TLK1: variants seen among roughly 807,000 people sequenced by gnomAD.
TLK1 encodes the protein tousled like kinase 1.
A neutral mutation model predicts 105.3 loss-of-function variants in TLK1; 24 were observed. The observed-to-expected ratio is 0.23, with a 90% CI of 0.17 to 0.32. TLK1 has a LOEUF of 0.32. Among genes scored for constraint, TLK1 ranks in the 10% least tolerant of loss-of-function variants. The pLI is 1.00. For synonymous variants in TLK1, 321 were observed against 310.4 expected (o/e 1.03, Z -0.36); for missense variants, 558 against 910.5 (o/e 0.61, Z 4.98).
intron 1 of TLK1, among the ~76,000 whole-genome samples, chr2:171,135,881 A>G (rs1174785345): frequency 6.6e-6 from 1 of 152,216 alleles, no homozygotes; most frequent in East Asian, 1.9e-4. Flanking sequence ...TAGAATGGCT[A>G]CCATCAAAAA....
intron 3 of TLK1, among the ~76,000 whole-genome samples, chr2:171,064,430 G>C (rs1687896962): frequency 6.6e-6 from 1 of 152,100 alleles, no homozygotes; most frequent in South Asian, 2.1e-4. Context: ...TGATTTCCTT[G>C]AGGAAATCCA....
Position 170,997,830 on chromosome 2 carries a change from GT to G in TLK1, c.1905-8del. ...ACACTCAGGAGGTAAATACCTGTAA[GT>G]TTTGTGGGAGAGAAAAAAGGTTACT... On this transcript the variant is annotated splice_region_variant and splice_polypyrimidine_tract_variant and intron_variant, in intron 18 of 20. Coordinates refer to ENST00000431350, the MANE Select transcript of TLK1 (RefSeq NM_012290.5). The G allele has an allele frequency of 6.4e-7, 1 of 1,555,700 alleles. No homozygotes were observed. The highest frequency in any genetic ancestry group is 8.8e-7 in the Non-Finnish European group (1 of 1,141,264).
chr2:171,088,557 A>C (rs946607650), intron 2 of TLK1, among the ~76,000 whole-genome samples: 4 of 152,208 alleles, frequency 2.6e-5, no homozygotes, highest in African/African-American at 4.8e-5. Flanking sequence ...CAGAATAAAT[A>C]ATTTCAAATT....
intron 1 of TLK1, among the ~76,000 whole-genome samples, chr2:171,193,259 T>A (rs573370085): frequency 6.6e-6 from 1 of 152,216 alleles, no homozygotes; most frequent in East Asian, 1.9e-4. Context: ...AGAATGAAAG[T>A]CTACTCTAGG....
intron 1 of TLK1, among the ~76,000 whole-genome samples, chr2:171,199,270 C>G (rs1693353074): frequency 6.6e-6 from 1 of 152,100 alleles, no homozygotes; most frequent in African/African-American, 2.4e-5. Context: ...CAGCACTTTG[C>G]AAGGCCAAGG....
intron 1 of TLK1, among the ~76,000 whole-genome samples, chr2:171,171,377 A>G (rs1241058049): frequency 6.6e-6 from 1 of 152,022 alleles, no homozygotes; most frequent in African/African-American, 2.4e-5. Context: ...AAAGACAGTG[A>G]AAGGATGCTG....
chr2:171,147,896 CT>C (rs34630360), intron 1 of TLK1, among the ~76,000 whole-genome samples: 3,017 of 143,898 alleles, frequency 0.021, 32 homozygotes, highest in Non-Finnish European at 0.029. Context: ...GCAGTCATTC[CT>C]TTTTTTTTTT....
At chr2:171,149,727 G>A (rs1199475443) in intron 1 of TLK1, among the ~76,000 whole-genome samples, 2 of 152,104 alleles carry the variant, frequency 1.3e-5, no homozygotes, top group Non-Finnish European at 2.9e-5. Flanking sequence ...GCAACATAGG[G>A]AGACCATGTC....
chr2:171,019,817 G>A (rs191825636), intron 12 of TLK1, among the ~76,000 whole-genome samples: 4 of 152,100 alleles, frequency 2.6e-5, no homozygotes, highest in African/African-American at 9.7e-5. Flanking sequence ...CAGCACTTTG[G>A]GAAGCCAAGG....
In TLK1 at chr2:171,116,044, A is replaced by G. The variant is rs190690122; in HGVS notation, c.258+1695T>C. On this transcript the variant is annotated intron_variant, in intron 2 of 20. Coordinates refer to ENST00000431350, the MANE Select transcript of TLK1 (RefSeq NM_012290.5). ...TAAATATAAAAATACAAAAAGGTCT[A>G]TTTGACCCAAATGGTTAATGGTGAT... Among the ~76,000 whole-genome samples the G allele has an allele frequency of 4.5e-3, 692 of 152,334 alleles. 7 individuals are homozygous for G. The highest frequency in any genetic ancestry group is 0.015 in the African/African-American group (631 of 41,576).
intron 1 of TLK1, among the ~76,000 whole-genome samples, chr2:171,122,206 T>C (rs1328890096): frequency 6.6e-6 from 1 of 152,076 alleles, no homozygotes; most frequent in Non-Finnish European, 1.5e-5. Flanking sequence ...CCTCGTGAAT[T>C]ACACACCTCA....
chr2:171,204,334 C>T (rs1020625325), intron 1 of TLK1, among the ~76,000 whole-genome samples: 4 of 152,144 alleles, frequency 2.6e-5, no homozygotes, highest in Non-Finnish European at 4.4e-5. Context: ...TAAGTTGGAA[C>T]CCCAGTGCGT....
At chr2:171,229,120 G>A (rs1224690427) in intron 1 of TLK1, among the ~76,000 whole-genome samples, 2 of 152,272 alleles carry the variant, frequency 1.3e-5, no homozygotes, top group East Asian at 3.9e-4. Flanking sequence ...TTTTACTCAA[G>A]TCGTCACATG....
intron 11 of TLK1, among the ~76,000 whole-genome samples, chr2:171,044,079 T>C (rs1314961581): frequency 6.6e-6 from 1 of 152,212 alleles, no homozygotes; most frequent in Non-Finnish European, 1.5e-5. Flanking sequence ...AGATGGACTT[T>C]GAAAGATTAA....
At position 171,046,200 on chromosome 2, in the gene TLK1, G is replaced by A. The variant is rs779025014; in HGVS notation, c.1143C>T (p.Pro381=). ...NKAVNGAEND[P]FVRPNLPQLL... is the part of the protein sequence containing the mutation. ...GTTGTGGTAAATTTGGTCTAACAAA[G>A]GGATCATTCTCTGCTCCATTGACTG... Residue 381 remains proline, a synonymous_variant, in exon 11 of 21, where the codon CCC becomes CCT. Coordinates refer to ENST00000431350, the MANE Select transcript of TLK1 (RefSeq NM_012290.5). 3 of 1,592,666 alleles carry A rather than the reference G, an allele frequency of 1.9e-6. No homozygotes were observed. Among genetic ancestry groups the A allele is most frequent in the Non-Finnish European group, 2.6e-6 (3 of 1,172,740 alleles).
At chr2:171,130,326 C>G (rs1399228392) in intron 1 of TLK1, among the ~76,000 whole-genome samples, 1 of 152,072 alleles carries the variant, frequency 6.6e-6, no homozygotes, top group African/African-American at 2.4e-5. Context: ...TGCTTGAACC[C>G]AGGAGGCGGA....
At chr2:171,157,365 C>A (rs1345857893) in intron 1 of TLK1, among the ~76,000 whole-genome samples, 2 of 152,148 alleles carry the variant, frequency 1.3e-5, no homozygotes, top group African/African-American at 4.8e-5. Context: ...TAACTCGTCA[C>A]TCCCTTAATC....
In TLK1 at chr2:171,160,267, G is replaced by C. The variant is rs1020744959; in HGVS notation, c.139+23C>G. On this transcript the variant is annotated intron_variant, in intron 1 of 20. Transcript: ENST00000431350. The surrounding 1 kb of genome is among the most constrained non-coding windows in gnomAD (Gnocchi z 4.4). The stretch of plus-strand genomic sequence containing the variant: ...GCGCGGGAGAGGAGGCCCGCGAGCG[G>C]GCGCGGGCGCGGCGGTGCTTACCTT... 6.6e-7 allele frequency: 1 copy of C among 1,503,894 alleles called. No individual in the cohort carries two copies. Among genetic ancestry groups the C allele is most frequent in the Non-Finnish European group, 8.8e-7 (1 of 1,131,854 alleles). 93.2% of individuals were successfully genotyped at this position (1,503,894 alleles called of 1,614,324 possible).
chr2:171,052,268 GA>G lies in TLK1; in HGVS notation c.732+1492del, dbSNP rs890843455. Among the ~76,000 whole-genome samples the G allele has an allele frequency of 4.6e-5, 7 of 151,524 alleles. No individual in the cohort carries two copies. The East Asian group carries it at 5.8e-4, about 13-fold the overall frequency. ...AGTGAGACCCTGTCACTTAGCGGGG[GA>G]AAAAAAAGACCAGACCAAAAAACCT... On this transcript the variant is annotated intron_variant, in intron 8 of 20. Coordinates refer to ENST00000431350, the MANE Select transcript of TLK1 (RefSeq NM_012290.5).
Sources: allele counts gnomAD v4.1 joint callset (sites outside exome capture counted in the v4.1 genomes callset), GRCh38; gene constraint gnomAD v4.1.1; non-coding constraint Gnocchi (gnomAD v3.1); transcripts MANE v1.5; gene names NCBI Gene and HGNC (gene_info 2026-07-23, HGNC 2026-07-21).